PALS2: variants seen among roughly 807,000 people sequenced by gnomAD.
PALS2 encodes the protein protein associated with LIN7 2, MAGUK p55 family member.
Under a neutral mutation model 61.6 loss-of-function variants are expected in PALS2, and 27 were observed. That is an observed-to-expected ratio of 0.44 (90% CI 0.32 to 0.60). The LOEUF (loss-of-function observed/expected upper bound fraction) is 0.60, where lower values mean the gene tolerates loss of function less well. PALS2 is among the 20% of genes least tolerant of loss of function. The pLI is 0.05. For missense variants in PALS2, 554 were observed against 639.4 expected, an observed-to-expected ratio of 0.87 and a Z score of 1.44; for synonymous variants, 236 against 218.6, an observed-to-expected ratio of 1.08 and a Z score of -0.70.
At chr7:24,661,355 A>G (rs530890549) in intron 5 of PALS2, among the ~76,000 whole-genome samples, 2 of 152,140 alleles carry the variant, frequency 1.3e-5, no homozygotes, top group Non-Finnish European at 1.5e-5. Context: ...AAATTGTTCT[A>G]TAAATCTTTT....
intron 2 of PALS2, among the ~76,000 whole-genome samples, chr7:24,639,573 A>G (rs76181382): frequency 0.039 from 5,935 of 152,240 alleles, 154 homozygotes; most frequent in Non-Finnish European, 0.058. Flanking sequence ...TAAAGATGCT[A>G]AATCAGGTAG....
intron 9 of PALS2, among the ~76,000 whole-genome samples, chr7:24,670,264 T>C (rs1022608286): frequency 6.6e-6 from 1 of 152,046 alleles, no homozygotes; most frequent in Non-Finnish European, 1.5e-5. Context: ...CTACCTGATT[T>C]TATATATATA....
intron 8 of PALS2, chr7:24,666,898 AT>A (rs1378335039): frequency 6.6e-6 from 1 of 152,204 alleles, no homozygotes; most frequent in Admixed American, 6.5e-5. Flanking sequence ...AAACAGCTCT[AT>A]GAATCAGAAA....
chr7:24,611,873 A>G (rs910504257), intron 1 of PALS2, among the ~76,000 whole-genome samples: 13 of 152,072 alleles, frequency 8.5e-5, no homozygotes, highest in African/African-American at 2.6e-4. Context: ...AATGCTTATA[A>G]GCCATAAAAT....
At chr7:24,637,377 C>T (rs967359481) in intron 2 of PALS2, among the ~76,000 whole-genome samples, 2 of 147,974 alleles carry the variant, frequency 1.4e-5, no homozygotes, top group African/African-American at 5.0e-5. Context: ...ATTGAGTTCT[C>T]CATTCTCTCT....
chr7:24,674,951 A>G (rs1417119583), intron 9 of PALS2, among the ~76,000 whole-genome samples: 1 of 152,196 alleles, frequency 6.6e-6, no homozygotes, highest in African/African-American at 2.4e-5. Context: ...CCTATCATAA[A>G]AAATTACTTC....
At chr7:24,620,247 T>G (rs1583885279) in intron 1 of PALS2, 1 of 152,332 alleles carries the variant, frequency 6.6e-6, no homozygotes, top group Non-Finnish European at 1.5e-5. Flanking sequence ...TCACTTGTAC[T>G]AAGTTGGGAT....
chr7:24,596,461 A>T lies in PALS2; in HGVS notation c.-3+22868A>T, dbSNP rs147161290. ...TAAAATTACATAGTTTTGGGATTCA[A>T]ATTAGAACATTTGATAAAATATCTC... On this transcript the variant is annotated intron_variant, in intron 1 of 11. Coordinates refer to ENST00000222644, the MANE Select transcript of PALS2 (RefSeq NM_001303037.2). This position sits in a 1 kb window ranked among gnomAD's most constrained non-coding sequence, Gnocchi z 4.5. Among the ~76,000 whole-genome samples, 61 of 152,340 alleles carry T rather than the reference A, an allele frequency of 4.0e-4. 1 individual carries two copies. The highest frequency in any genetic ancestry group is 3.4e-3 in the Middle Eastern group (1 of 294).
chr7:24,623,453 A>G (rs1027530488), intron 1 of PALS2, among the ~76,000 whole-genome samples: 3 of 152,146 alleles, frequency 2.0e-5, no homozygotes, highest in African/African-American at 7.2e-5. Flanking sequence ...TCCAAATTAC[A>G]TATAAAAATC....
At chr7:24,664,567 T>C (rs1029520816) in intron 6 of PALS2, among the ~76,000 whole-genome samples, 1 of 152,182 alleles carries the variant, frequency 6.6e-6, no homozygotes, top group Non-Finnish European at 1.5e-5. Flanking sequence ...TAACTCACAT[T>C]AGCTCTAAAT....
intron 9 of PALS2, among the ~76,000 whole-genome samples, chr7:24,676,133 T>A (rs917186745): frequency 3.8e-4 from 58 of 152,060 alleles, no homozygotes; most frequent in Non-Finnish European, 7.1e-4. Context: ...TGCATTTCTC[T>A]GATGGCCAGT....
At chr7:24,675,671 T>G (rs1325812009) in intron 9 of PALS2, among the ~76,000 whole-genome samples, 1 of 142,198 alleles carries the variant, frequency 7.0e-6, no homozygotes, top group African/African-American at 2.7e-5. Context: ...GATAGTTTAC[T>G]GAGAATGATG....
rs140316998 is a variant in PALS2, at chr7:24,607,509, A to G, written c.-2-16157A>G. Among the ~76,000 whole-genome samples, 267 of 151,786 alleles carry G rather than the reference A, an allele frequency of 1.8e-3. 1 individual carries two copies. The highest frequency in any genetic ancestry group is 6.2e-3 in the African/African-American group (258 of 41,372). ...ACACACACATGATATATATGTGTAT[A>G]TATATGTGTATATATGTGTGTGTAT... On this transcript the variant is annotated intron_variant, in intron 1 of 11. Coordinates refer to ENST00000222644, the MANE Select transcript of PALS2 (RefSeq NM_001303037.2).
intron 2 of PALS2, among the ~76,000 whole-genome samples, chr7:24,624,855 A>C (rs953599258): frequency 2.0e-5 from 3 of 151,704 alleles, no homozygotes; most frequent in African/African-American, 7.3e-5. Flanking sequence ...TGATCCACCC[A>C]CCTTGGCCTC....
At chr7:24,631,840 T>A (rs967093385) in intron 2 of PALS2, among the ~76,000 whole-genome samples, 2 of 152,252 alleles carry the variant, frequency 1.3e-5, no homozygotes, top group Admixed American at 6.5e-5. Flanking sequence ...AAAGTATTTT[T>A]AAATTAAGGT....
intron 1 of PALS2, among the ~76,000 whole-genome samples, chr7:24,590,113 C>G (rs1783227221): frequency 6.6e-6 from 1 of 152,238 alleles, no homozygotes; most frequent in African/African-American, 2.4e-5. Context: ...TAAGTATTGA[C>G]TCTAGTATAA....
At chr7:24,685,650 T>G (rs1323599639) in intron 11 of PALS2, among the ~76,000 whole-genome samples, 7 of 125,766 alleles carry the variant, frequency 5.6e-5, no homozygotes, top group East Asian at 4.1e-4. Flanking sequence ...TAACAGGGTT[T>G]TTTTTTTTTT....
intron 1 of PALS2, among the ~76,000 whole-genome samples, chr7:24,607,801 A>G (rs548526627): frequency 3.3e-5 from 5 of 152,154 alleles, no homozygotes; most frequent in African/African-American, 7.2e-5. Flanking sequence ...ATGCATGCAT[A>G]CAATGAAGTA....
At chr7:24,655,157 T>C (rs988594015) in intron 5 of PALS2, among the ~76,000 whole-genome samples, 1 of 152,182 alleles carries the variant, frequency 6.6e-6, no homozygotes, top group African/African-American at 2.4e-5. Context: ...TATAAACACA[T>C]TGGGGAGAAA....
Sources: allele counts gnomAD v4.1 joint callset (sites outside exome capture counted in the v4.1 genomes callset), GRCh38; gene constraint gnomAD v4.1.1; non-coding constraint Gnocchi (gnomAD v3.1); transcripts MANE v1.5; gene names NCBI Gene and HGNC (gene_info 2026-07-23, HGNC 2026-07-21).